The following GPR158 variants were observed in gnomAD, a reference collection of about 807,000 sequenced individuals.
The protein encoded by GPR158 is G protein-coupled receptor 158.
Under a neutral mutation model 78.2 loss-of-function variants are expected in GPR158, and 30 were observed. The observed-to-expected ratio is 0.38, with a 90% CI of 0.29 to 0.52. The LOEUF (loss-of-function observed/expected upper bound fraction) is 0.52. Ranked by LOEUF, GPR158 falls within the 20% of genes least tolerant of loss-of-function variation. The probability of loss-of-function intolerance (pLI) is 0.83; values close to 1 mark genes in which losing one functional copy is unlikely to be tolerated. For synonymous variants in GPR158, 581 were observed against 591.1 expected, an observed-to-expected ratio of 0.98 and a Z score of 0.25; for missense variants, 1,463 against 1,523.5, an observed-to-expected ratio of 0.96 and a Z score of 0.66.
chr10:25,507,996 A>T (rs2130665601), intron 5 of GPR158, among the ~76,000 whole-genome samples: 1 of 152,286 alleles, frequency 6.6e-6, no homozygotes, highest in Middle Eastern at 3.4e-3. Flanking sequence ...ACGGTTTTTT[A>T]AGGTAACAAA....
At chr10:25,528,650 A>G (rs1164984223) in intron 5 of GPR158, among the ~76,000 whole-genome samples, 2 of 152,214 alleles carry the variant, frequency 1.3e-5, no homozygotes, top group African/African-American at 2.4e-5. Context: ...ACCTAAATAG[A>G]GAAACACATG....
rs186969961 is a variant in GPR158, at chr10:25,502,766, G to A, written c.1404+36047G>A. Among the ~76,000 whole-genome samples the A allele has an allele frequency of 2.4e-3, 364 of 152,238 alleles. 2 individuals are homozygous for A. Among genetic ancestry groups the A allele is most frequent in the African/African-American group, 8.4e-3 (349 of 41,552 alleles). On this transcript the variant is annotated intron_variant, in intron 5 of 10. Transcript: ENST00000376351. ...CATTTGCAGCTTCTCTTCCCTGCAT[G>A]TGTACCTTTCACATATAAAGGTGCT...
chr10:25,590,587 A>AAT (rs1429400389), intron 8 of GPR158, among the ~76,000 whole-genome samples: 1 of 152,172 alleles, frequency 6.6e-6, no homozygotes, highest in Non-Finnish European at 1.5e-5. Context: ...TTATTTGCAG[A>AAT]ATATCAAGCA....
intron 3 of GPR158, among the ~76,000 whole-genome samples, chr10:25,406,141 G>A (rs1278187267): frequency 6.6e-6 from 1 of 152,132 alleles, no homozygotes; most frequent in Non-Finnish European, 1.5e-5. Flanking sequence ...AGTGCCCACA[G>A]AATTTATTTT....
chr10:25,463,155 G>C (rs532938638), intron 4 of GPR158, among the ~76,000 whole-genome samples: 3 of 152,304 alleles, frequency 2.0e-5, no homozygotes, highest in Admixed American at 2.0e-4. Flanking sequence ...CCAGCAAAAA[G>C]ATTAGAACTT....
At chr10:25,442,817 A>G (rs1451255675) in intron 4 of GPR158, among the ~76,000 whole-genome samples, 1 of 152,046 alleles carries the variant, frequency 6.6e-6, no homozygotes, top group Non-Finnish European at 1.5e-5. Flanking sequence ...CCAGTCCAAG[A>G]TACTGTCATT....
At chr10:25,277,073 C>A (rs1854193687) in intron 2 of GPR158, among the ~76,000 whole-genome samples, 1 of 151,920 alleles carries the variant, frequency 6.6e-6, no homozygotes, top group Admixed American at 6.6e-5. Context: ...CCTCAACCTC[C>A]TGAGTAGCTG....
At chr10:25,396,567 G>C (rs1025248344) in intron 3 of GPR158, among the ~76,000 whole-genome samples, 6 of 152,020 alleles carry the variant, frequency 3.9e-5, no homozygotes, top group African/African-American at 7.3e-5. Flanking sequence ...GGGTGGCTGA[G>C]GTGGGAGGAT....
chr10:25,385,379 T>G (rs544931500), intron 2 of GPR158, among the ~76,000 whole-genome samples: 12 of 152,244 alleles, frequency 7.9e-5, no homozygotes, highest in Non-Finnish European at 1.2e-4. Context: ...TGATGGGTAT[T>G]TGGGTTACTT....
intron 1 of GPR158, among the ~76,000 whole-genome samples, chr10:25,213,671 CAG>C (rs1347952690): frequency 6.6e-6 from 1 of 151,808 alleles, no homozygotes; most frequent in African/African-American, 2.4e-5. Flanking sequence ...AACATGAAAA[CAG>C]AACTGTTCAT....
rs775083205 is a variant in GPR158 at position 25,175,761 on chromosome 10, C to A, written c.341C>A (p.Ala114Asp). ...GCGGGCCTGCCGGGGAAGTGGCCAG[C>A]CCTGGCCAGCGCGCACCCCTCCTTG... ...ELAGLPGKWP[A>D]LASAHPSLHR... Residue 114 changes from alanine to aspartate, a missense_variant, in exon 1 of 11, where the codon GCC becomes GAC. Coordinates refer to ENST00000376351, the MANE Select transcript of GPR158 (RefSeq NM_020752.3). This position sits in a 1 kb window ranked among gnomAD's most constrained non-coding sequence, Gnocchi z 6.4. 6.2e-7 allele frequency: 1 copy of A among 1,611,132 alleles called. No individual in the cohort carries two copies. Among genetic ancestry groups the A allele is most frequent in the Non-Finnish European group, 8.5e-7 (1 of 1,179,914 alleles).
chr10:25,408,367 A>G (rs867971274), intron 3 of GPR158, among the ~76,000 whole-genome samples: 1 of 152,200 alleles, frequency 6.6e-6, no homozygotes, highest in Non-Finnish European at 1.5e-5. Context: ...TAAAGCCATC[A>G]TGTTTCAATT....
chr10:25,388,173 A>G (rs947625663), intron 2 of GPR158, among the ~76,000 whole-genome samples: 1 of 152,222 alleles, frequency 6.6e-6, no homozygotes, highest in Non-Finnish European at 1.5e-5. Context: ...GTAGGCTTCC[A>G]ATATTGTAAG....
chr10:25,241,311 T>TTTCTTTTCTCTTCACTTCTC lies in GPR158; in HGVS notation c.1008+20158_1008+20159insTTTCTCTTCACTTCTCTTCT, dbSNP rs1554787218. On this transcript the variant is annotated intron_variant, in intron 2 of 10. Coordinates refer to ENST00000376351, the MANE Select transcript of GPR158 (RefSeq NM_020752.3). The stretch of plus-strand genomic sequence containing the variant: ...TTTCTTTTCTTTTCTTTTCTTTTCT[T>TTTCTTTTCTCTTCACTTCTC]TTCTCTTCTCTTCTCTTCTCTTCTC... Among the ~76,000 whole-genome samples the TTTCTTTTCTCTTCACTTCTC allele has an allele frequency of 9.8e-4, 103 of 104,586 alleles. 2 individuals carry two copies. Among genetic ancestry groups the TTTCTTTTCTCTTCACTTCTC allele is most frequent in the African/African-American group, 4.4e-3 (100 of 22,820 alleles). The allele number at this position is 104,586 out of a possible 152,430, so 68.6% of individuals were successfully genotyped here. A position where few individuals can be genotyped will look rare whatever the true frequency, so the allele number is the denominator to read the frequency against.
At chr10:25,442,624 C>T (rs376784287) in intron 4 of GPR158, among the ~76,000 whole-genome samples, 2 of 152,194 alleles carry the variant, frequency 1.3e-5, no homozygotes, top group Non-Finnish European at 2.9e-5. Context: ...AAACCTAAAC[C>T]GCTTTCACTC....
chr10:25,526,698 GA>G, intron 5 of GPR158, among the ~76,000 whole-genome samples: 1 of 152,340 alleles, frequency 6.6e-6, no homozygotes, highest in South Asian at 2.1e-4. Context: ...CCTTGTTGCA[GA>G]AGGTATGTTT....
intron 2 of GPR158, among the ~76,000 whole-genome samples, chr10:25,354,155 A>G (rs1855514641): frequency 6.6e-6 from 1 of 152,024 alleles, no homozygotes; most frequent in Non-Finnish European, 1.5e-5. Flanking sequence ...GGAGTTCAAC[A>G]CCAGCCTGAC....
chr10:25,183,039 A>G (rs1852632993), intron 1 of GPR158, among the ~76,000 whole-genome samples: 1 of 152,214 alleles, frequency 6.6e-6, no homozygotes, highest in South Asian at 2.1e-4. Flanking sequence ...CATACGCATC[A>G]GTGGGGCTTG....
At chr10:25,415,369 C>T (rs543102908) in intron 4 of GPR158, among the ~76,000 whole-genome samples, 1 of 139,158 alleles carries the variant, frequency 7.2e-6, no homozygotes, top group East Asian at 2.0e-4. Context: ...TCTAAATAGA[C>T]ATTTCTCCAA....
Sources: allele counts gnomAD v4.1 joint callset (sites outside exome capture counted in the v4.1 genomes callset), GRCh38; gene constraint gnomAD v4.1.1; non-coding constraint Gnocchi (gnomAD v3.1); transcripts MANE v1.5; gene names NCBI Gene and HGNC (gene_info 2026-07-23, HGNC 2026-07-21).